The following SMO variants were observed in gnomAD, a reference collection of about 807,000 sequenced individuals.
SMO encodes protein smoothened.
In SMO, 40 loss-of-function variants were observed where a neutral mutation model predicts 81.6. The ratio of observed to expected loss-of-function variants is 0.49; its 90% CI spans 0.38 to 0.64. The LOEUF (loss-of-function observed/expected upper bound fraction) is 0.64. SMO is among the 30% of genes least tolerant of loss of function. The probability of loss-of-function intolerance (pLI) is 0.00; values close to 1 mark genes in which losing one functional copy is unlikely to be tolerated. For synonymous variants in SMO, 434 were observed against 432.1 expected (o/e 1.00, Z -0.05); for missense variants, 916 against 1,061.1 (o/e 0.86, Z 1.90).
At chr7:129,200,809 C>T (rs1316035208) in intron 1 of SMO, among the ~76,000 whole-genome samples, 2 of 152,200 alleles carry the variant, frequency 1.3e-5, no homozygotes, top group Non-Finnish European at 2.9e-5. Flanking sequence ...GATCTTGACT[C>T]ACTGCAACCT....
Position 129,202,942 on chromosome 7 carries a change from C to T in SMO, c.332-442C>T, listed in dbSNP as rs1247641697. ...AAATGATAGTAAGCATACAGAATAG[C>T]GCACAGATCATGAGCTTGGTTTCCA... On this transcript the variant is annotated intron_variant, in intron 1 of 11. Coordinates refer to ENST00000249373, the MANE Select transcript of SMO (RefSeq NM_005631.5). 3.9e-5 allele frequency among the ~76,000 whole-genome samples: 6 copies of T among 152,172 alleles called. No individual in the cohort carries two copies. In the East Asian group the frequency reaches 7.7e-4, roughly 19 times the overall value.
rs2150650876 is a variant in SMO, at chr7:129,206,583, C to T, written c.1260C>T (p.Ile420=). The part of the protein sequence containing the change: ...LVLIVGGYFL[I]RGVMTLFSIK... ...TCATCGTGGGAGGCTACTTCCTCAT[C>T]CGAGGTGAGTGAAGACCAGGCCAGG... Residue 420 remains isoleucine (I), a synonymous_variant, in exon 6 of 12, where the codon ATC becomes ATT. Coordinates refer to ENST00000249373, the MANE Select transcript of SMO (RefSeq NM_005631.5). The surrounding 1 kb of genome is among the most constrained non-coding windows in gnomAD (Gnocchi z 4.4). 6.2e-7 allele frequency: 1 copy of T among 1,614,120 alleles called. No homozygotes were observed. The highest frequency in any genetic ancestry group is 8.5e-7 in the Non-Finnish European group (1 of 1,179,992).
chr7:129,189,384 G>T lies in SMO; in HGVS notation c.233G>T (p.Cys78Phe), dbSNP rs764578445. Residue 78 changes from cysteine (C) to phenylalanine (F), a missense_variant, in exon 1 of 12, where the codon TGC (cysteine) becomes TTC (phenylalanine). Transcript: ENST00000249373. The surrounding 1 kb of genome is among the most constrained non-coding windows in gnomAD (Gnocchi z 4.7). The stretch of plus-strand genomic sequence containing the variant: ...TGCGAGCCGCTGCGCTACAACGTGT[G>T]CCTGGGCTCGGTGCTGCCCTACGGG... The part of the protein sequence containing the change: ...APCEPLRYNV[C>F]LGSVLPYGAT... 6.5e-7 allele frequency: 1 copy of T among 1,535,602 alleles called. No homozygotes were observed. The highest frequency in any genetic ancestry group is 1.2e-5 in the South Asian group (1 of 83,994).
rs1793894839 is a variant in SMO at position 129,212,525 on chromosome 7, G to A, written c.*74G>A. 1 of 1,414,878 alleles carries A rather than the reference G, an allele frequency of 7.1e-7. No individual in the cohort carries two copies. Among genetic ancestry groups the A allele is most frequent in the Non-Finnish European group, 9.6e-7 (1 of 1,036,730 alleles). The allele number at this position is 1,414,878 out of a possible 1,614,324, so 87.6% of individuals were successfully genotyped here. Reference sequence around the variant, plus strand: ...AAGGCTCTTCTTCCTCACCGAGCATGCTTCCCTAGGATCCCGTCTTCCAGA... The same window carrying A: ...AAGGCTCTTCTTCCTCACCGAGCATACTTCCCTAGGATCCCGTCTTCCAGA... On this transcript the variant is annotated 3_prime_UTR_variant, in exon 12 of 12. Transcript: ENST00000249373. This position sits in a 1 kb window ranked among gnomAD's most constrained non-coding sequence, Gnocchi z 5.0.
Position 129,189,036 on chromosome 7 carries a change from T to C in SMO, c.-116T>C, listed in dbSNP as rs1404956760. 30 of 951,022 alleles carry C rather than the reference T, an allele frequency of 3.2e-5. No homozygotes were observed. The highest frequency in any genetic ancestry group is 4.1e-5 in the Non-Finnish European group (30 of 739,820). 58.9% of individuals were successfully genotyped at this position (951,022 alleles called of 1,614,324 possible). On this transcript the variant is annotated 5_prime_UTR_variant, in exon 1 of 12. Coordinates refer to ENST00000249373, the MANE Select transcript of SMO (RefSeq NM_005631.5). The surrounding 1 kb of genome is among the most constrained non-coding windows in gnomAD (Gnocchi z 4.7). ...CGGGGGGGCCCGGGCCCGGATTCTC[T>C]GGGCGCACAGGTCGCCTGAGCCGCC...
At position 129,206,526 on chromosome 7, in the gene SMO, G is replaced by C. The variant is rs117663825; in HGVS notation, c.1203G>C (p.Ala401=). ...FVGYKNYRYR[A]GFVLAPIGLV... ...GCTACAAGAACTACCGATACCGTGC[G>C]GGCTTCGTGCTGGCCCCAATCGGCC... Residue 401 remains alanine, a synonymous_variant, in exon 6 of 12, where the codon GCG becomes GCC. Coordinates refer to ENST00000249373, the MANE Select transcript of SMO (RefSeq NM_005631.5). The surrounding 1 kb of genome is among the most constrained non-coding windows in gnomAD (Gnocchi z 4.4). The C allele has an allele frequency of 6.2e-3, 10,060 of 1,614,174 alleles. 54 individuals are homozygous for C. The highest frequency in any genetic ancestry group is 6.4e-3 in the Non-Finnish European group (7,571 of 1,180,022).
Position 129,208,680 on chromosome 7 carries a change from G to A in SMO, c.1265-79G>A, listed in dbSNP as rs1793813176. 1 of 851,994 alleles carries A rather than the reference G, an allele frequency of 1.2e-6. No individual in the cohort carries two copies. Among genetic ancestry groups the A allele is most frequent in the Non-Finnish European group, 2.0e-6 (1 of 503,160 alleles). 52.8% of individuals were successfully genotyped at this position (851,994 alleles called of 1,614,324 possible). On this transcript the variant is annotated intron_variant, in intron 6 of 11. Coordinates refer to ENST00000249373, the MANE Select transcript of SMO (RefSeq NM_005631.5). The surrounding 1 kb of genome is among the most constrained non-coding windows in gnomAD (Gnocchi z 5.2). ...CAGACTTGGGACTCCAGAGCCTTAG[G>A]ACCCTCCTCCCACTCACCCATCCTT... is the stretch of plus-strand genomic sequence containing the variant.
Position 129,196,118 on chromosome 7 carries a change from A to T in SMO, c.331+6636A>T, listed in dbSNP as rs567855586. 6.7e-3 allele frequency among the ~76,000 whole-genome samples: 1,021 copies of T among 151,640 alleles called. 16 individuals are homozygous for T. Among genetic ancestry groups the T allele is most frequent in the African/African-American group, 0.024 (985 of 41,308 alleles). ...TCCCTCTCAAAAAAAAAAAAAAGAA[A>T]AGAAAAAAAAAACAAAAAAAAATTA... On this transcript the variant is annotated intron_variant, in intron 1 of 11. Coordinates refer to ENST00000249373, the MANE Select transcript of SMO (RefSeq NM_005631.5).
In SMO at chr7:129,211,583, C is replaced by G. The variant is rs2150655391; in HGVS notation, c.1802-53C>G. ...TGGCACTGACTATGGGAGGCACTGC[C>G]AGGGACCGGGAAGTCACTATTCCTT... On this transcript the variant is annotated intron_variant, in intron 10 of 11. Transcript: ENST00000249373. The surrounding 1 kb of genome is among the most constrained non-coding windows in gnomAD (Gnocchi z 4.6). 1.9e-6 allele frequency: 3 copies of G among 1,596,758 alleles called. No homozygotes were observed. The highest frequency in any genetic ancestry group is 2.6e-6 in the Non-Finnish European group (3 of 1,171,278).
At chr7:129,207,664 C>T (rs978722921) in intron 6 of SMO, among the ~76,000 whole-genome samples, 1 of 151,996 alleles carries the variant, frequency 6.6e-6, no homozygotes, top group Non-Finnish European at 1.5e-5. Flanking sequence ...GAGGCTGAGA[C>T]GGACGGATCA....
chr7:129,212,479 AAG>A lies in SMO; in HGVS notation c.*33_*34del, dbSNP rs1393258120. 4 of 1,594,254 alleles carry A rather than the reference AAG, an allele frequency of 2.5e-6. No homozygotes were observed. Among genetic ancestry groups the A allele is most frequent in the African/African-American group, 1.3e-5 (1 of 74,354 alleles). On this transcript the variant is annotated 3_prime_UTR_variant, in exon 12 of 12. Transcript: ENST00000249373. This position sits in a 1 kb window ranked among gnomAD's most constrained non-coding sequence, Gnocchi z 5.0. ...CTGCAGAGCAGGACCTGGGACAGGA[AAG>A]AGAGGAACCAATACCTTCAAGGCTC... is the stretch of plus-strand genomic sequence containing the variant.
intron 7 of SMO, 94 bp from the exon 8 acceptor site, chr7:129,209,195 G>T: frequency 1.3e-6 from 1 of 748,828 alleles, no homozygotes; most frequent in South Asian, 1.5e-5. Flanking sequence ...CCAGCTGGGT[G>T]AACTTTGAGG....
intron 2 of SMO, 107 bp from the exon 3 acceptor site, chr7:129,205,096 G>T (rs1793741262): frequency 2.2e-6 from 2 of 925,306 alleles, no homozygotes; most frequent in Admixed American, 3.9e-5. Flanking sequence ...TCAGGTCCTG[G>T]AAGTGTATCT....
At chr7:129,191,166 A>G (rs907327852) in intron 1 of SMO, among the ~76,000 whole-genome samples, 3 of 152,184 alleles carry the variant, frequency 2.0e-5, no homozygotes, top group African/African-American at 7.2e-5. Context: ...TTGATTGTGC[A>G]AGGACCCATG....
chr7:129,194,974 G>T (rs1793548216), intron 1 of SMO, among the ~76,000 whole-genome samples: 1 of 152,042 alleles, frequency 6.6e-6, no homozygotes, highest in African/African-American at 2.4e-5. Flanking sequence ...GTAGAGACAG[G>T]GTTTTGCCAT....
chr7:129,195,963 C>T lies in SMO; in HGVS notation c.331+6481C>T, dbSNP rs563521838. Among the ~76,000 whole-genome samples, 1,293 of 151,602 alleles carry T rather than the reference C, an allele frequency of 8.5e-3. 13 individuals are homozygous for T. Among genetic ancestry groups the T allele is most frequent in the Non-Finnish European group, 0.01 (704 of 67,862 alleles). The stretch of plus-strand genomic sequence containing the variant: ...AAAAATACAAAAAATTAGCCGGGCG[C>T]GGTGGTGGGCGCCTGTAGTCCCAGC... On this transcript the variant is annotated intron_variant, in intron 1 of 11. Coordinates refer to ENST00000249373, the MANE Select transcript of SMO (RefSeq NM_005631.5).
At chr7:129,193,444 C>G (rs1417062794) in intron 1 of SMO, among the ~76,000 whole-genome samples, 3 of 151,998 alleles carry the variant, frequency 2.0e-5, no homozygotes, top group Non-Finnish European at 2.9e-5. Flanking sequence ...CCAAACTTGG[C>G]TGGTAATCAG....
In SMO at chr7:129,203,571, C is replaced by T. The variant is rs2150646918; in HGVS notation, c.519C>T (p.Arg173=). 6.2e-7 allele frequency: 1 copy of T among 1,601,630 alleles called. No individual in the cohort carries two copies. The highest frequency in any genetic ancestry group is 8.5e-7 in the Non-Finnish European group (1 of 1,179,472). ...WPDFLRCTPD[R]FPEGCTNEVQ... ...ACTTCCTGCGCTGCACTCCTGACCG[C>T]TTCCCTGAAGGCTGCACGGTGAGTG... is the stretch of plus-strand genomic sequence containing the variant. The change falls in exon 2 of 12, where the codon CGC becomes CGT. Residue 173 remains arginine (R), a synonymous_variant. Transcript: ENST00000249373.
rs555317063 is a variant in SMO at position 129,189,557 on chromosome 7, C to T, written c.331+75C>T. 16 of 1,482,038 alleles carry T rather than the reference C, an allele frequency of 1.1e-5. No individual in the cohort carries two copies. The South Asian group carries it at 1.5e-4, about 14-fold the overall frequency. The allele number at this position is 1,482,038 out of a possible 1,614,324, so 91.8% of individuals were successfully genotyped here. On this transcript the variant is annotated intron_variant, in intron 1 of 11. Coordinates refer to ENST00000249373, the MANE Select transcript of SMO (RefSeq NM_005631.5). The surrounding 1 kb of genome is among the most constrained non-coding windows in gnomAD (Gnocchi z 4.7). ...TGGGGGCACCCTTGGAAAGAACAGGCTCAGGCCTGAGTTTTGGAGAGGGCG... is the reference window on the plus strand; with the variant it reads ...TGGGGGCACCCTTGGAAAGAACAGGTTCAGGCCTGAGTTTTGGAGAGGGCG...
Sources: gnomAD v4.1 joint callset for allele counts (sites outside exome capture counted in the v4.1 genomes callset) on GRCh38, gnomAD v4.1.1 for gene constraint, Gnocchi (gnomAD v3.1) non-coding constraint, MANE v1.5 for transcripts, NCBI Gene and HGNC (gene_info 2026-07-23, HGNC 2026-07-21) for gene names.